SRD5A2: variants seen among roughly 807,000 people sequenced by gnomAD.
The protein encoded by SRD5A2 is steroid 5 alpha-reductase 2.
In SRD5A2, 30 loss-of-function variants were observed where a neutral mutation model predicts 27.4. The observed-to-expected ratio is 1.10, with a 90% confidence interval of 0.82 to 1.49. The LOEUF (loss-of-function observed/expected upper bound fraction) is 1.49, where lower values mean the gene tolerates loss of function less well. Ranked by LOEUF, SRD5A2 falls within the 40% of genes most tolerant of loss-of-function variation. The pLI is 0.00. For missense variants in SRD5A2, 348 were observed against 323.4 expected, an observed-to-expected ratio of 1.08 and a Z score of -0.58; for synonymous variants, 141 against 133.6, an observed-to-expected ratio of 1.06 and a Z score of -0.38.
upstream of SRD5A2, among the ~76,000 whole-genome samples, chr2:31,583,627 AAC>A (rs1491512265): frequency 9.9e-3 from 592 of 60,072 alleles, 8 homozygotes; most frequent in African/African-American, 0.026. Flanking sequence ...AAAAAAAAAA[AAC>A]AAAAAAAAAG....
the SRD5A2 span, among the ~76,000 whole-genome samples, chr2:31,617,554 T>G: frequency 1.3e-5 from 2 of 151,338 alleles, no homozygotes; most frequent in Non-Finnish European, 3.0e-5. Flanking sequence ...AGGCTGCAAA[T>G]TTTCCAAACT....
At chr2:31,616,898 G>T in the SRD5A2 span, among the ~76,000 whole-genome samples, 1 of 151,624 alleles carries the variant, frequency 6.6e-6, no homozygotes, top group Non-Finnish European at 1.5e-5. Flanking sequence ...TTTAACTGTA[G>T]CTCCCATAAT....
At chr2:31,532,018 A>G (rs1178275746) in intron 2 of SRD5A2, among the ~76,000 whole-genome samples, 1 of 152,120 alleles carries the variant, frequency 6.6e-6, no homozygotes. Context: ...CGGTGCCCCT[A>G]CTTCGTCTTT....
chr2:31,590,872 T>C, the SRD5A2 span, among the ~76,000 whole-genome samples: 18 of 152,326 alleles, frequency 1.2e-4, no homozygotes, highest in South Asian at 2.1e-4. Context: ...CTGGGAAAAC[T>C]GGCTAGCCAT....
intron 1 of SRD5A2, among the ~76,000 whole-genome samples, chr2:31,536,264 C>T (rs1265905776): frequency 6.6e-6 from 1 of 152,188 alleles, no homozygotes. Flanking sequence ...AGGCTCACTA[C>T]TGTAACAAAC....
chr2:31,610,469 T>C, the SRD5A2 span, among the ~76,000 whole-genome samples: 1 of 152,108 alleles, frequency 6.6e-6, no homozygotes, highest in East Asian at 1.9e-4. Context: ...TCTCAAAAAA[T>C]AGGTAGAGAA....
chr2:31,618,884 C>T, the SRD5A2 span, among the ~76,000 whole-genome samples: 1 of 152,026 alleles, frequency 6.6e-6, no homozygotes, highest in Non-Finnish European at 1.5e-5. Flanking sequence ...ACATTAATTA[C>T]CTTAATTGAA....
At chr2:31,561,236 C>T (rs1026693532) in intron 1 of SRD5A2, among the ~76,000 whole-genome samples, 5 of 152,170 alleles carry the variant, frequency 3.3e-5, no homozygotes, top group African/African-American at 7.2e-5. Flanking sequence ...CCAGTATTTA[C>T]AGTGTGGATT....
upstream of SRD5A2, among the ~76,000 whole-genome samples, chr2:31,583,652 C>CAAAAAAAAAAAAAAAAAAAAAAAAAAA (rs1352139998): frequency 1.4e-4 from 3 of 20,922 alleles, no homozygotes; most frequent in African/African-American, 4.0e-4. Context: ...AAAAAAAAAC[C>CAAAAAAAAAAAAAAAAAAAAAAAAAAA]AAAAAAAAAG....
chr2:31,641,121 C>CTCAGT, the SRD5A2 span, among the ~76,000 whole-genome samples: 528 of 152,210 alleles, frequency 3.5e-3, 2 homozygotes, highest in African/African-American at 0.012. Flanking sequence ...TGGTAAAAAT[C>CTCAGT]TCAGTGTTGT....
chr2:31,594,483 T>A, the SRD5A2 span, among the ~76,000 whole-genome samples: 1 of 152,130 alleles, frequency 6.6e-6, no homozygotes, highest in East Asian at 1.9e-4. Flanking sequence ...ACAAAAAGAT[T>A]ACTCCAACAG....
intron 2 of SRD5A2, 67 bp downstream of exon 2, chr2:31,533,536 T>C (rs1316973070): frequency 1.5e-5 from 22 of 1,451,856 alleles, no homozygotes; most frequent in Non-Finnish European, 2.0e-5. Flanking sequence ...GGAGAGGCCA[T>C]GGCGATGTAG....
chr2:31,549,145 C>G (rs1004002747), intron 1 of SRD5A2, among the ~76,000 whole-genome samples: 1 of 147,326 alleles, frequency 6.8e-6, no homozygotes, highest in Non-Finnish European at 1.5e-5. Flanking sequence ...TGGAGTCTCA[C>G]TCTGTCACCC....
At chr2:31,637,705 CTCACTCTTGAAT>C in the SRD5A2 span, among the ~76,000 whole-genome samples, 2 of 152,042 alleles carry the variant, frequency 1.3e-5, no homozygotes, top group African/African-American at 4.8e-5. Flanking sequence ...TCACCCTCAG[CTCACTCTTGAAT>C]TCATTCCTGA....
chr2:31,596,217 G>A, the SRD5A2 span, among the ~76,000 whole-genome samples: 19 of 152,006 alleles, frequency 1.2e-4, no homozygotes, highest in African/African-American at 2.2e-4. Context: ...GTGAAAACCC[G>A]TCTCTACTAA....
At chr2:31,621,333 C>T in the SRD5A2 span, among the ~76,000 whole-genome samples, 3 of 152,000 alleles carry the variant, frequency 2.0e-5, no homozygotes, top group Non-Finnish European at 1.5e-5. Context: ...TAAATGTTGT[C>T]GTTTCAGTAA....
intron 1 of SRD5A2, among the ~76,000 whole-genome samples, chr2:31,580,045 T>C (rs1469548154): frequency 6.6e-6 from 1 of 152,142 alleles, no homozygotes; most frequent in Non-Finnish European, 1.5e-5. Context: ...CTCTTCCCCA[T>C]CTGTGAAGTC....
At chr2:31,642,664 G>C in the SRD5A2 span, among the ~76,000 whole-genome samples, 2 of 151,722 alleles carry the variant, frequency 1.3e-5, no homozygotes, top group South Asian at 4.2e-4. Context: ...CAACGCCAAG[G>C]TATTCATCCC....
the SRD5A2 span, among the ~76,000 whole-genome samples, chr2:31,644,559 C>T: frequency 2.0e-5 from 3 of 152,240 alleles, no homozygotes; most frequent in African/African-American, 4.8e-5. Flanking sequence ...GAATCTAATG[C>T]GGCAGCTGAT....
Sources: gnomAD v4.1 joint callset for allele counts (sites outside exome capture counted in the v4.1 genomes callset) on GRCh38, gnomAD v4.1.1 for gene constraint, MANE v1.5 for transcripts, NCBI Gene and HGNC (gene_info 2026-07-23, HGNC 2026-07-21) for gene names.